The following PSD3 variants were observed in gnomAD, a reference collection of about 807,000 sequenced individuals.
PSD3 encodes the protein pleckstrin and Sec7 domain containing 3.
PSD3 carries 49 observed loss-of-function variants against 105.5 expected under a neutral mutation model. That is an observed-to-expected ratio of 0.46 (90% CI 0.37 to 0.59). The LOEUF is 0.59. Ranked by LOEUF, PSD3 falls within the 20% of genes least tolerant of loss-of-function variation. The pLI is 0.00. For synonymous variants in PSD3, 557 were observed against 457.8 expected (o/e 1.22, Z -2.77); for missense variants, 1,561 against 1,263.8 (o/e 1.24, Z -3.57).
chr8:19,005,304 A>T (rs1826620967), intron 1 of PSD3, among the ~76,000 whole-genome samples: 1 of 152,054 alleles, frequency 6.6e-6, no homozygotes, highest in African/African-American at 2.4e-5. Flanking sequence ...TTCATGGATG[A>T]GCACTGAAAA....
chr8:19,018,597 T>C (rs1827251471), upstream of PSD3, among the ~76,000 whole-genome samples: 2 of 152,230 alleles, frequency 1.3e-5, no homozygotes, highest in South Asian at 2.1e-4. Flanking sequence ...TGTGTGTACA[T>C]GAAAGCACGC....
At chr8:18,709,303 T>C (rs1397597842) in intron 9 of PSD3, among the ~76,000 whole-genome samples, 1 of 152,168 alleles carries the variant, frequency 6.6e-6, no homozygotes, top group Non-Finnish European at 1.5e-5. Flanking sequence ...CCCACATGAA[T>C]TCCAGCAACT....
intron 9 of PSD3, among the ~76,000 whole-genome samples, chr8:18,678,193 A>G (rs1800178695): frequency 6.6e-6 from 1 of 152,104 alleles, no homozygotes; most frequent in South Asian, 2.1e-4. Flanking sequence ...TGTTCAACAC[A>G]CCACCTCCCT....
At position 18,794,080 on chromosome 8, in the gene PSD3, C is replaced by T. The variant is rs563730390; in HGVS notation, c.2082+5215G>A. 5.7e-4 allele frequency among the ~76,000 whole-genome samples: 21 copies of T among 37,064 alleles called. 6 individuals carry two copies. The highest frequency in any genetic ancestry group is 1.4e-3 in the African/African-American group (20 of 14,198). 24.3% of individuals were successfully genotyped at this position (37,064 alleles called of 152,430 possible). A position where few individuals can be genotyped will look rare whatever the true frequency, so the allele number is the denominator to read the frequency against. ...AGATTCTGTTAATCTATAACCTTAC[C>T]CCCAACCCTGTGCTCTCTGAAACGT... On this transcript the variant is annotated intron_variant, in intron 8 of 15. Transcript: ENST00000327040.
intron 14 of PSD3, among the ~76,000 whole-genome samples, chr8:18,564,922 A>C (rs1473841895): frequency 6.6e-6 from 1 of 152,190 alleles, no homozygotes; most frequent in Non-Finnish European, 1.5e-5. Context: ...AAAAGTATTT[A>C]GTACCCATGG....
chr8:18,915,325 A>T (rs1820513358), intron 2 of PSD3, among the ~76,000 whole-genome samples: 1 of 152,224 alleles, frequency 6.6e-6, no homozygotes. Context: ...ACAGGCAATG[A>T]AAGGCAAAAC....
chr8:18,838,631 C>G (rs552518988), intron 4 of PSD3, among the ~76,000 whole-genome samples: 4 of 151,892 alleles, frequency 2.6e-5, no homozygotes, highest in East Asian at 3.9e-4. Flanking sequence ...GAAACCCCAT[C>G]TCTACTAAAA....
chr8:18,820,085 T>C (rs1052666329), intron 4 of PSD3, among the ~76,000 whole-genome samples: 2 of 152,034 alleles, frequency 1.3e-5, no homozygotes, highest in Admixed American at 6.6e-5. Flanking sequence ...CCAAAGTCAT[T>C]TGTATGTAAA....
chr8:19,017,361 C>T (rs1827211133), upstream of PSD3, among the ~76,000 whole-genome samples: 1 of 152,174 alleles, frequency 6.6e-6, no homozygotes, highest in Non-Finnish European at 1.5e-5. Flanking sequence ...GCTACATACT[C>T]TTGATAATCT....
intron 1 of PSD3, among the ~76,000 whole-genome samples, chr8:18,947,831 T>C (rs1430412668): frequency 1.3e-5 from 2 of 152,186 alleles, no homozygotes; most frequent in Non-Finnish European, 2.9e-5. Context: ...CTTTATTTTT[T>C]TTGAAGTGTG....
intron 4 of PSD3, among the ~76,000 whole-genome samples, chr8:18,863,740 G>C (rs1007961145): frequency 6.6e-6 from 1 of 151,990 alleles, no homozygotes; most frequent in Admixed American, 6.6e-5. Flanking sequence ...TACTTTTAAA[G>C]ACAAATAGAC....
At chr8:18,959,386 A>C (rs1823771023) in intron 1 of PSD3, among the ~76,000 whole-genome samples, 1 of 152,090 alleles carries the variant, frequency 6.6e-6, no homozygotes, top group Non-Finnish European at 1.5e-5. Context: ...GCACTACTGG[A>C]TTCATACTAC....
intron 4 of PSD3, among the ~76,000 whole-genome samples, chr8:18,850,956 G>A (rs1222689430): frequency 2.6e-5 from 4 of 152,074 alleles, no homozygotes; most frequent in Non-Finnish European, 5.9e-5. Context: ...CATACCAGGA[G>A]CATTCAAGAA....
At chr8:19,083,530 A>T (rs1034739082) in intron 1 of PSD3, among the ~76,000 whole-genome samples, 1 of 152,200 alleles carries the variant, frequency 6.6e-6, no homozygotes, top group Non-Finnish European at 1.5e-5. Context: ...CCCAGGCTGC[A>T]CATCCATTTG....
intron 1 of PSD3, among the ~76,000 whole-genome samples, chr8:19,074,145 T>C (rs1829369468): frequency 6.6e-6 from 1 of 152,066 alleles, no homozygotes; most frequent in Non-Finnish European, 1.5e-5. Context: ...GGGATCCTCA[T>C]CCAAAGCAGT....
intron 9 of PSD3, among the ~76,000 whole-genome samples, chr8:18,714,503 G>A (rs73199940): frequency 0.021 from 3,089 of 149,992 alleles, 53 homozygotes; most frequent in Non-Finnish European, 0.032. Context: ...AAAGTCATAC[G>A]TGCAGCCAAG....
At chr8:18,683,035 C>T (rs1007832145) in intron 9 of PSD3, among the ~76,000 whole-genome samples, 29 of 152,096 alleles carry the variant, frequency 1.9e-4, no homozygotes, top group Admixed American at 1.9e-3. Flanking sequence ...TTTCTGAGTA[C>T]CCTGCTCACA....
At chr8:18,578,626 C>A (rs1585289818) in intron 12 of PSD3, among the ~76,000 whole-genome samples, 1 of 152,032 alleles carries the variant, frequency 6.6e-6, no homozygotes, top group African/African-American at 2.4e-5. Context: ...ATGACTTAGA[C>A]TGTCTCATTT....
At chr8:18,766,144 G>A (rs1302545976) in intron 8 of PSD3, among the ~76,000 whole-genome samples, 1 of 152,016 alleles carries the variant, frequency 6.6e-6, no homozygotes, top group South Asian at 2.1e-4. Context: ...GACCAGCCTG[G>A]CCAACATGGC....
Sources: gnomAD v4.1 joint callset for allele counts (sites outside exome capture counted in the v4.1 genomes callset) on GRCh38, gnomAD v4.1.1 for gene constraint, MANE v1.5 for transcripts, NCBI Gene and HGNC (gene_info 2026-07-23, HGNC 2026-07-21) for gene names.